The following BAZ2B variants were observed in gnomAD, a reference collection of about 807,000 sequenced individuals.
BAZ2B encodes the protein bromodomain adjacent to zinc finger domain protein 2B.
A neutral mutation model predicts 246.0 loss-of-function variants in BAZ2B; 91 were observed. That is an observed-to-expected ratio of 0.37 (90% CI 0.31 to 0.44). BAZ2B has a LOEUF of 0.44. BAZ2B is among the 20% of genes least tolerant of loss of function. The probability of loss-of-function intolerance (pLI) is 1.00; values close to 1 mark genes in which losing one functional copy is unlikely to be tolerated. For synonymous variants in BAZ2B, 855 were observed against 860.0 expected, an observed-to-expected ratio of 0.99 and a Z score of 0.10; for missense variants, 2,332 against 2,533.7, an observed-to-expected ratio of 0.92 and a Z score of 1.71.
At chr2:159,525,707 A>G (rs2084660708) in intron 2 of BAZ2B, among the ~76,000 whole-genome samples, 1 of 152,124 alleles carries the variant, frequency 6.6e-6, no homozygotes, top group Non-Finnish European at 1.5e-5. Context: ...GCAGCATAAG[A>G]GCTTGTTATG....
intron 27 of BAZ2B, among the ~76,000 whole-genome samples, chr2:159,372,783 A>G (rs563551406): frequency 6.6e-6 from 1 of 152,322 alleles, no homozygotes; most frequent in African/African-American, 2.4e-5. Context: ...GGTAATATAG[A>G]TGGAAATACA....
At chr2:159,659,520 C>T in the BAZ2B span, among the ~76,000 whole-genome samples, 1 of 152,120 alleles carries the variant, frequency 6.6e-6, no homozygotes, top group Non-Finnish European at 1.5e-5. Context: ...GGGGGTTTTC[C>T]CCACCACTTT....
the BAZ2B span, among the ~76,000 whole-genome samples, chr2:159,663,358 C>T: frequency 0.041 from 6,284 of 151,590 alleles, 420 homozygotes; most frequent in African/African-American, 0.14. Flanking sequence ...TGTGCCACCA[C>T]GCCCAGCTAA....
At chr2:159,690,879 CTT>C in the BAZ2B span, among the ~76,000 whole-genome samples, 1 of 151,488 alleles carries the variant, frequency 6.6e-6, no homozygotes, top group Non-Finnish European at 1.5e-5. Flanking sequence ...ACTGATTCCT[CTT>C]GTTTAACTGT....
chr2:159,411,814 T>G (rs1381016353), intron 14 of BAZ2B: 1 of 406,534 alleles, frequency 2.5e-6, no homozygotes, highest in East Asian at 1.6e-4. Context: ...TAAAGTACTT[T>G]TTGATTTTAA....
At chr2:159,400,780 C>T (rs972688798) in intron 16 of BAZ2B, 116 bp from the exon 17 acceptor site, 1 of 563,048 alleles carries the variant, frequency 1.8e-6, no homozygotes, top group South Asian at 2.1e-5. Flanking sequence ...GTGGCTCACA[C>T]CTGTAATCCC....
intron 1 of BAZ2B, among the ~76,000 whole-genome samples, chr2:159,607,741 C>T (rs903923820): frequency 6.6e-6 from 1 of 152,082 alleles, no homozygotes; most frequent in Non-Finnish European, 1.5e-5. Flanking sequence ...ATCTTTTCTT[C>T]CTGATCTGTG....
the BAZ2B span, among the ~76,000 whole-genome samples, chr2:159,706,335 A>G: frequency 1.3e-5 from 2 of 152,248 alleles, no homozygotes; most frequent in Non-Finnish European, 2.9e-5. Flanking sequence ...ATAAAATTGT[A>G]CACAAATGTG....
intron 3 of BAZ2B, among the ~76,000 whole-genome samples, chr2:159,476,428 T>TA (rs1037346082): frequency 1.3e-4 from 20 of 152,010 alleles, no homozygotes; most frequent in East Asian, 3.9e-4. Context: ...AAATAATGAT[T>TA]AAAAAAACGC....
the BAZ2B span, among the ~76,000 whole-genome samples, chr2:159,648,439 C>T: frequency 6.6e-6 from 1 of 152,234 alleles, no homozygotes; most frequent in African/African-American, 2.4e-5. Flanking sequence ...CCTTCAGCCC[C>T]TCTTGCTCCT....
chr2:159,607,563 A>AAAGCAATGGAGGT (rs1347456859), intron 1 of BAZ2B, among the ~76,000 whole-genome samples: 5 of 151,792 alleles, frequency 3.3e-5, no homozygotes, highest in Non-Finnish European at 1.5e-5. Flanking sequence ...GTCAATTTTG[A>AAAGCAATGGAGGT]AAGGAAGGAT....
At chr2:159,400,819 T>C (rs560019843) in intron 16 of BAZ2B, among the ~76,000 whole-genome samples, 155 bp from the exon 17 acceptor site, 36 of 152,240 alleles carry the variant, frequency 2.4e-4, no homozygotes, top group African/African-American at 8.2e-4. Context: ...GGTGGGCGGA[T>C]CACAAGGTCA....
At chr2:159,335,988 C>T (rs138412070) in intron 33 of BAZ2B, among the ~76,000 whole-genome samples, 8,948 of 152,146 alleles carry the variant, frequency 0.059, 366 homozygotes, top group Non-Finnish European at 0.089. Context: ...TAGTGAAACC[C>T]CATCTCTTCT....
chr2:159,469,629 C>T (rs1019890969), intron 3 of BAZ2B, among the ~76,000 whole-genome samples: 16 of 151,912 alleles, frequency 1.1e-4, no homozygotes, highest in East Asian at 5.8e-4. Context: ...TTAGTAGAGA[C>T]GCGGTTTCAT....
intron 3 of BAZ2B, among the ~76,000 whole-genome samples, chr2:159,473,625 C>T (rs932098285): frequency 7.9e-5 from 12 of 152,054 alleles, no homozygotes; most frequent in African/African-American, 2.9e-4. Flanking sequence ...TTTGCTCTTG[C>T]TTCTCTAGTT....
At chr2:159,641,286 C>A in the BAZ2B span, among the ~76,000 whole-genome samples, 12 of 152,064 alleles carry the variant, frequency 7.9e-5, no homozygotes, top group Admixed American at 6.5e-5. Context: ...TATCTCATTG[C>A]GGTTTTGAGT....
the BAZ2B span, among the ~76,000 whole-genome samples, chr2:159,708,563 T>A: frequency 2.4e-5 from 1 of 42,552 alleles, no homozygotes; most frequent in Admixed American, 1.8e-4. Flanking sequence ...ATTTATTTAT[T>A]TATTTATTTA....
the BAZ2B span, among the ~76,000 whole-genome samples, chr2:159,678,074 T>C: frequency 1.3e-5 from 2 of 152,366 alleles, no homozygotes; most frequent in South Asian, 2.1e-4. Context: ...TGGAATGGAA[T>C]GGCAGAGACT....
chr2:159,556,167 A>G (rs533005316), intron 1 of BAZ2B, among the ~76,000 whole-genome samples: 7 of 152,330 alleles, frequency 4.6e-5, no homozygotes, highest in African/African-American at 1.7e-4. Context: ...TACAAGTTTT[A>G]TTTGTCTTCA....
Sources: gnomAD v4.1 joint callset for allele counts (sites outside exome capture counted in the v4.1 genomes callset) on GRCh38, gnomAD v4.1.1 for gene constraint, MANE v1.5 for transcripts, NCBI Gene and HGNC (gene_info 2026-07-23, HGNC 2026-07-21) for gene names.